MPND: variants seen among roughly 807,000 people sequenced by gnomAD.
The protein encoded by MPND is MPN domain containing.
In MPND, 56 loss-of-function variants were observed where a neutral mutation model predicts 59.2. The observed-to-expected ratio is 0.95, with a 90% CI of 0.76 to 1.18. The LOEUF (loss-of-function observed/expected upper bound fraction) is 1.18. Ranked by LOEUF, MPND falls within the 50% of genes most tolerant of loss-of-function variation. The pLI is 0.00. For missense variants in MPND, 671 were observed against 676.0 expected (o/e 0.99, Z 0.08); for synonymous variants, 323 against 291.9 (o/e 1.11, Z -1.09).
At chr19:4,352,338 T>C (rs945884749) in intron 3 of MPND, among the ~76,000 whole-genome samples, 16 of 152,338 alleles carry the variant, frequency 1.1e-4, no homozygotes, top group Middle Eastern at 3.4e-3. Flanking sequence ...AATGGAACCC[T>C]AGGCATAAAT....
chr19:4,352,795 CACTT>C, intron 3 of MPND, 98 bp from the exon 4 acceptor site: 4 of 1,218,984 alleles, frequency 3.3e-6, no homozygotes, highest in Non-Finnish European at 4.2e-6. Flanking sequence ...GGGGCAATGG[CACTT>C]ACGGCTTAGG....
chr19:4,358,412 G>A (rs1972493896), intron 11 of MPND: 1 of 542,248 alleles, frequency 1.8e-6, no homozygotes, highest in Non-Finnish European at 3.3e-6. Flanking sequence ...TCTTCTGCCA[G>A]GCTGTCCAGT....
At chr19:4,359,745 GGTTACATAC>G (rs1972537506) in intron 12 of MPND, among the ~76,000 whole-genome samples, 162 bp from the exon 13 acceptor site, 1 of 152,124 alleles carries the variant, frequency 6.6e-6, no homozygotes, top group South Asian at 2.1e-4. Flanking sequence ...CCAGGCCCTC[GGTTACATAC>G]TGCCCCACTG....
chr19:4,354,474 C>T, intron 6 of MPND, 54 bp downstream of exon 6: 2 of 1,453,936 alleles, frequency 1.4e-6, no homozygotes, highest in East Asian at 2.5e-5. Flanking sequence ...AGTCGGTGGG[C>T]AGCGGGCGGG....
In MPND at chr19:4,355,078, C is replaced by CA; in HGVS notation, c.920-18dup. The CA allele has an allele frequency of 6.2e-7, 1 of 1,613,764 alleles. No individual in the cohort carries two copies. The highest frequency in any genetic ancestry group is 8.5e-7 in the Non-Finnish European group (1 of 1,179,860). Reference sequence around the variant, plus strand: ...TTGGAGGACCGGGGTCACGGGGTCACAGCTGCCCCTCCCCACAGTGCTGAC... The same window carrying CA: ...TTGGAGGACCGGGGTCACGGGGTCACAAGCTGCCCCTCCCCACAGTGCTGAC... On this transcript the variant is annotated intron_variant, in intron 7 of 12. Coordinates refer to ENST00000599840, the MANE Select transcript of MPND (RefSeq NM_001300862.2).
chr19:4,359,910 T>A lies in MPND; in HGVS notation c.1420-6T>A, dbSNP rs774279969. 2.6e-6 allele frequency: 4 copies of A among 1,560,952 alleles called. No individual in the cohort carries two copies. The highest frequency in any genetic ancestry group is 3.5e-6 in the Non-Finnish European group (4 of 1,152,382). On this transcript the variant is annotated splice_region_variant and splice_polypyrimidine_tract_variant and intron_variant, in intron 12 of 12. Transcript: ENST00000599840. ...CACAGCCTGAGGCCCAGCCCCCTCG[T>A]TTCAGATCTCCTTGGCCAGCAGGAC...
chr19:4,352,963 G>A lies in MPND; in HGVS notation c.598G>A (p.Gly200Arg). Residue 200 changes from glycine (G) to arginine (R), a missense_variant, in exon 4 of 13, where the codon GGG (glycine) becomes AGG (arginine). Coordinates refer to ENST00000599840, the MANE Select transcript of MPND (RefSeq NM_001300862.2). ...AGAGGAGGAGGAGGACGTTCTGGCA[G>A]GGGTCTCAGCAGAGGACAAGAGTCG... ...MEEEEEDVLA[G>R]VSAEDKSRRP... The A allele has an allele frequency of 3.6e-6, 5 of 1,396,038 alleles. No individual in the cohort carries two copies. The highest frequency in any genetic ancestry group is 4.7e-6 in the Non-Finnish European group (5 of 1,067,178). 86.5% of individuals were successfully genotyped at this position (1,396,038 alleles called of 1,614,324 possible).
chr19:4,351,730 C>CGG (rs1972321498), intron 3 of MPND, among the ~76,000 whole-genome samples: 3 of 151,866 alleles, frequency 2.0e-5, no homozygotes, highest in Admixed American at 1.3e-4. Flanking sequence ...GGCGTGGTGG[C>CGG]ACATGCCTAT....
At chr19:4,356,285 G>A (rs4806981) in intron 8 of MPND, among the ~76,000 whole-genome samples, 92,932 of 151,816 alleles carry the variant, frequency 0.61, 28,933 homozygotes, top group East Asian at 0.75. Flanking sequence ...GGCACCGGGG[G>A]TTCACACCTG....
chr19:4,350,185 C>G (rs1382833505), intron 3 of MPND, among the ~76,000 whole-genome samples: 1 of 152,054 alleles, frequency 6.6e-6, no homozygotes, highest in Non-Finnish European at 1.5e-5. Context: ...TCTGCAAAGG[C>G]CCTGGGGCAC....
rs961133907 is a variant in MPND, at chr19:4,358,233, G to A, written c.1326+61G>A. The A allele has an allele frequency of 2.0e-5, 28 of 1,424,056 alleles. No individual in the cohort carries two copies. The African/African-American group carries it at 2.5e-4, about 13-fold the overall frequency. The allele number at this position is 1,424,056 out of a possible 1,614,324, so 88.2% of individuals were successfully genotyped here. On this transcript the variant is annotated intron_variant, in intron 11 of 12. Transcript: ENST00000599840. ...CAGTGCGCAGCTGGGCACACGATGC[G>A]TTGGTCTGCTTCCCACCGGTGGGCT... is the stretch of plus-strand genomic sequence containing the variant.
intron 5 of MPND, 71 bp downstream of exon 5, chr19:4,354,200 G>A (rs1051785782): frequency 4.5e-6 from 7 of 1,544,356 alleles, no homozygotes; most frequent in Non-Finnish European, 6.2e-6. Flanking sequence ...GGGTAGCAAG[G>A]GCAGGGGTGG....
chr19:4,344,622 C>T (rs28736724), intron 2 of MPND, among the ~76,000 whole-genome samples: 16,424 of 151,992 alleles, frequency 0.11, 1,682 homozygotes, highest in African/African-American at 0.28. Context: ...GTTTCCCAGC[C>T]GTGAAATGGA....
At chr19:4,358,020 G>T in intron 10 of MPND, 63 bp from the exon 11 acceptor site, 1 of 1,394,692 alleles carries the variant, frequency 7.2e-7, no homozygotes, top group Non-Finnish European at 9.9e-7. Context: ...ACTGCCAATT[G>T]TCCCCAGCTG....
At chr19:4,347,197 C>G (rs1972204230) in intron 3 of MPND, 1 of 151,538 alleles carries the variant, frequency 6.6e-6, no homozygotes, top group Non-Finnish European at 1.5e-5. Context: ...GGATGAGGCC[C>G]ACCTGTAGTA....
chr19:4,351,837 C>T (rs1323863162), intron 3 of MPND, among the ~76,000 whole-genome samples: 5 of 114,076 alleles, frequency 4.4e-5, no homozygotes, highest in Admixed American at 1.0e-4. Context: ...ACTCCAGCCT[C>T]GGCGACAGAG....
chr19:4,359,106 G>C (rs765269398), intron 11 of MPND, 57 bp from the exon 12 acceptor site: 4 of 1,221,794 alleles, frequency 3.3e-6, no homozygotes, highest in African/African-American at 1.5e-5. Flanking sequence ...CAGGAGAGGC[G>C]CTGAGGTACC....
chr19:4,355,422 G>A (rs1244323726), intron 8 of MPND, among the ~76,000 whole-genome samples: 2 of 145,708 alleles, frequency 1.4e-5, no homozygotes, highest in African/African-American at 2.6e-5. Context: ...TGCAAGCTCC[G>A]CCTCCCGGGT....
Position 4,343,872 on chromosome 19 carries a change from G to T in MPND, c.172G>T (p.Ala58Ser). ...SVSGGGGGGG[A>S]GAGGCGGPGG... The stretch of plus-strand genomic sequence containing the variant: ...CAGCGGAGGAGGCGGCGGCGGCGGG[G>T]CCGGGGCGGGGGGCTGCGGCGGGCC... Residue 58 changes from alanine to serine, a missense_variant, in exon 2 of 13, where the codon GCC becomes TCC. Transcript: ENST00000599840. The T allele has an allele frequency of 8.2e-7, 1 of 1,221,548 alleles. No individual in the cohort carries two copies. The highest frequency in any genetic ancestry group is 1.0e-6 in the Non-Finnish European group (1 of 985,218). The allele number at this position is 1,221,548 out of a possible 1,614,324, so 75.7% of individuals were successfully genotyped here.
Sources: allele counts gnomAD v4.1 joint callset (sites outside exome capture counted in the v4.1 genomes callset), GRCh38; gene constraint gnomAD v4.1.1; transcripts MANE v1.5; gene names NCBI Gene and HGNC (gene_info 2026-07-23, HGNC 2026-07-21).